PSD3: variants seen among roughly 807,000 people sequenced by gnomAD.
PSD3 encodes PH and SEC7 domain-containing protein 3.
PSD3 carries 49 observed loss-of-function variants against 105.5 expected under a neutral mutation model. That is an observed-to-expected ratio of 0.46 (90% CI 0.37 to 0.59). The LOEUF (loss-of-function observed/expected upper bound fraction) is 0.59. Among genes scored for constraint, PSD3 ranks in the 20% least tolerant of loss-of-function variants. The pLI is 0.00. For missense variants in PSD3, 1,561 were observed against 1,263.8 expected, an observed-to-expected ratio of 1.24 and a Z score of -3.57; for synonymous variants, 557 against 457.8, an observed-to-expected ratio of 1.22 and a Z score of -2.77.
chr8:18,588,381 A>C (rs1397754103), intron 12 of PSD3, among the ~76,000 whole-genome samples: 2 of 152,180 alleles, frequency 1.3e-5, no homozygotes, highest in East Asian at 3.9e-4. Context: ...GGTTTCCAGG[A>C]ACATATATTA....
intron 15 of PSD3, among the ~76,000 whole-genome samples, chr8:18,548,021 G>C (rs548911141): frequency 2.0e-5 from 3 of 151,880 alleles, no homozygotes; most frequent in Admixed American, 6.6e-5. Context: ...TCCCCCATCT[G>C]ATTAGGTATT....
At chr8:18,577,428 T>TA (rs907529753) in intron 12 of PSD3, among the ~76,000 whole-genome samples, 10 of 152,102 alleles carry the variant, frequency 6.6e-5, no homozygotes, top group South Asian at 4.1e-4. Flanking sequence ...CCTCTGCCCT[T>TA]ACATCATTTT....
At chr8:18,770,460 T>G (rs934816763) in intron 8 of PSD3, among the ~76,000 whole-genome samples, 1 of 152,236 alleles carries the variant, frequency 6.6e-6, no homozygotes, top group African/African-American at 2.4e-5. Context: ...ATGATGTCCT[T>G]TTGAAGCAGG....
At chr8:18,605,273 T>A (rs775556203) in intron 11 of PSD3, among the ~76,000 whole-genome samples, 2 of 152,096 alleles carry the variant, frequency 1.3e-5, no homozygotes, top group Non-Finnish European at 2.9e-5. Context: ...CTCATACCAG[T>A]GTGCCCTGGA....
At chr8:18,893,400 G>A (rs1818937562) in intron 2 of PSD3, among the ~76,000 whole-genome samples, 1 of 152,226 alleles carries the variant, frequency 6.6e-6, no homozygotes, top group Non-Finnish European at 1.5e-5. Context: ...ACAGGAACCA[G>A]CCAGAAGGGC....
chr8:18,783,060 A>G (rs1027972733), intron 8 of PSD3, among the ~76,000 whole-genome samples: 4 of 152,162 alleles, frequency 2.6e-5, no homozygotes, highest in African/African-American at 9.7e-5. Context: ...GAAGGGTGTA[A>G]AAAAACTGAT....
chr8:19,053,900 T>C (rs1350828952), intron 1 of PSD3, among the ~76,000 whole-genome samples: 1 of 152,224 alleles, frequency 6.6e-6, no homozygotes, highest in African/African-American at 2.4e-5. Flanking sequence ...TTTTGATTTT[T>C]GTTCACCTAA....
chr8:18,726,382 A>T (rs1563202426), intron 9 of PSD3, among the ~76,000 whole-genome samples: 1 of 152,226 alleles, frequency 6.6e-6, no homozygotes, highest in Non-Finnish European at 1.5e-5. Flanking sequence ...ACAGAAAAGG[A>T]ACATAGCTGC....
intron 4 of PSD3, among the ~76,000 whole-genome samples, chr8:18,853,384 A>C (rs1035624501): frequency 2.0e-5 from 3 of 152,146 alleles, no homozygotes; most frequent in Non-Finnish European, 2.9e-5. Context: ...TTATTCTTCA[A>C]TCCCAGGCAT....
At chr8:18,629,233 G>T (rs74469342) in intron 11 of PSD3, among the ~76,000 whole-genome samples, 2 of 151,812 alleles carry the variant, frequency 1.3e-5, no homozygotes, top group East Asian at 3.9e-4. Context: ...CAAATCATCA[G>T]GAAGACATAA....
intron 9 of PSD3, among the ~76,000 whole-genome samples, chr8:18,752,680 TATA>T (rs1445680365): frequency 4.4e-4 from 49 of 111,898 alleles, no homozygotes; most frequent in African/African-American, 1.6e-3. Flanking sequence ...ATATCAAATA[TATA>T]ATCATATATG....
At chr8:18,827,984 CT>C (rs1160718226) in intron 4 of PSD3, among the ~76,000 whole-genome samples, 2 of 144,322 alleles carry the variant, frequency 1.4e-5, no homozygotes, top group African/African-American at 5.1e-5. Flanking sequence ...TCATTTGGGT[CT>C]CATAAACTCC....
At position 18,923,240 on chromosome 8, in the gene PSD3, T is replaced by C. The variant is rs141973099; in HGVS notation, c.130+12794A>G. 3.2e-3 allele frequency among the ~76,000 whole-genome samples: 480 copies of C among 152,308 alleles called. 3 individuals are homozygous for C. Among genetic ancestry groups the C allele is most frequent in the African/African-American group, 0.011 (445 of 41,542 alleles). On this transcript the variant is annotated intron_variant, in intron 2 of 15. Coordinates refer to ENST00000327040, the MANE Select transcript of PSD3 (RefSeq NM_015310.4). ...TTTAAGAAAGTTTAAAAATTTGTGT[T>C]GTGCCACATTCAAAGCTGTCCTGGG...
rs1815233840 is a variant in PSD3, at chr8:18,847,938, T to C, written c.1634+19736A>G. 2.0e-5 allele frequency among the ~76,000 whole-genome samples: 3 copies of C among 152,146 alleles called. 1 individual carries two copies. In the South Asian group the frequency reaches 6.2e-4, roughly 32 times the overall value. On this transcript the variant is annotated intron_variant, in intron 4 of 15. Transcript: ENST00000327040. ...AGAAACAATCGGGGAGACATGAGCC[T>C]GGTTAAATATTCAGGGAAGAAAAAG... is the stretch of plus-strand genomic sequence containing the variant.
At chr8:18,950,681 G>C (rs182601751) in intron 1 of PSD3, among the ~76,000 whole-genome samples, 16 of 152,018 alleles carry the variant, frequency 1.1e-4, no homozygotes, top group Admixed American at 6.6e-4. Context: ...ACATCACTTT[G>C]TACCCCATAA....
At chr8:18,542,364 T>C (rs537665880) in intron 15 of PSD3, among the ~76,000 whole-genome samples, 1 of 152,328 alleles carries the variant, frequency 6.6e-6, no homozygotes, top group South Asian at 2.1e-4. Context: ...CATAATTCCA[T>C]ACTAACCTAA....
intron 1 of PSD3, among the ~76,000 whole-genome samples, chr8:19,024,036 C>T (rs980946878): frequency 6.6e-6 from 1 of 152,144 alleles, no homozygotes; most frequent in African/African-American, 2.4e-5. Context: ...TTATCTGCAT[C>T]CTCCCAATCA....
intron 1 of PSD3, among the ~76,000 whole-genome samples, chr8:18,962,421 C>T (rs1026728043): frequency 6.6e-6 from 1 of 152,056 alleles, no homozygotes; most frequent in Non-Finnish European, 1.5e-5. Flanking sequence ...AAATCTTTGG[C>T]TTTCATTAAA....
chr8:18,745,268 TCAA>T (rs1159636322), intron 9 of PSD3, among the ~76,000 whole-genome samples: 1 of 152,230 alleles, frequency 6.6e-6, no homozygotes. Context: ...AATGGCTCTA[TCAA>T]CAACAATAAT....
Sources: allele counts gnomAD v4.1 joint callset (sites outside exome capture counted in the v4.1 genomes callset), GRCh38; gene constraint gnomAD v4.1.1; transcripts MANE v1.5; gene names NCBI Gene and HGNC (gene_info 2026-07-23, HGNC 2026-07-21).